Variants in PTPRD observed in about 807,000 individuals in gnomAD.
The protein encoded by PTPRD is protein tyrosine phosphatase receptor type D.
PTPRD carries 34 observed loss-of-function variants against 214.5 expected under a neutral mutation model. The ratio of observed to expected loss-of-function variants is 0.16; its 90% CI spans 0.12 to 0.21. PTPRD has a LOEUF of 0.21. Among genes scored for constraint, PTPRD ranks in the 10% least tolerant of loss-of-function variants. The pLI, the probability that PTPRD is intolerant of heterozygous loss-of-function variation, is 1.00. For missense variants in PTPRD, 2,545 were observed against 2,398.7 expected, an observed-to-expected ratio of 1.06 and a Z score of -1.27; for synonymous variants, 1,128 against 845.7, an observed-to-expected ratio of 1.33 and a Z score of -5.79.
intron 30 of PTPRD, among the ~76,000 whole-genome samples, chr9:8,473,399 C>A (rs2096697682): frequency 1.3e-5 from 2 of 152,132 alleles, no homozygotes; most frequent in Admixed American, 1.3e-4. Flanking sequence ...ATTTACCGAA[C>A]AAGTCCATCA....
At chr9:9,764,553 A>T (rs1446134366) in intron 6 of PTPRD, among the ~76,000 whole-genome samples, 4 of 152,184 alleles carry the variant, frequency 2.6e-5, no homozygotes, top group African/African-American at 4.8e-5. Flanking sequence ...GATGATTGAG[A>T]TTATTATTAA....
intron 11 of PTPRD, among the ~76,000 whole-genome samples, chr9:8,956,275 A>T (rs1404140120): frequency 1.3e-5 from 2 of 151,890 alleles, no homozygotes; most frequent in African/African-American, 4.8e-5. Context: ...CCTGATGTTT[A>T]TCCATATAAA....
In PTPRD at chr9:9,273,762, G is replaced by A. The variant is rs192945045; in HGVS notation, c.-202-90399C>T. On this transcript the variant is annotated intron_variant, in intron 9 of 45. Transcript: ENST00000381196. ...GAGCTGTCAGCTAATGATTTGCACAGGTGGAAGTAAGAGATTATAATGAGG... is the reference window on the plus strand; with the variant it reads ...GAGCTGTCAGCTAATGATTTGCACAAGTGGAAGTAAGAGATTATAATGAGG... 1.3e-3 allele frequency among the ~76,000 whole-genome samples: 191 copies of A among 151,344 alleles called. 3 individuals are homozygous for A. The highest frequency in any genetic ancestry group is 4.2e-3 in the African/African-American group (175 of 41,416).
intron 3 of PTPRD, among the ~76,000 whole-genome samples, chr9:10,073,464 T>C (rs1317132733): frequency 1.3e-5 from 2 of 152,144 alleles, no homozygotes; most frequent in Non-Finnish European, 2.9e-5. Flanking sequence ...AAAAACGGTA[T>C]TCTGGATGTG....
At chr9:9,375,411 C>T (rs1316905323) in intron 9 of PTPRD, among the ~76,000 whole-genome samples, 3 of 152,080 alleles carry the variant, frequency 2.0e-5, no homozygotes, top group Non-Finnish European at 4.4e-5. Flanking sequence ...GCCTGACCAA[C>T]ATGGTGAAAC....
intron 14 of PTPRD, among the ~76,000 whole-genome samples, chr9:8,611,502 C>T (rs556028410): frequency 1.4e-3 from 219 of 152,062 alleles, no homozygotes; most frequent in African/African-American, 5.1e-3. Context: ...CCCAGGAGTT[C>T]GAGACCAGCC....
chr9:8,656,635 G>A (rs75989090), intron 12 of PTPRD, among the ~76,000 whole-genome samples: 20 of 152,260 alleles, frequency 1.3e-4, no homozygotes, highest in African/African-American at 4.8e-4. Flanking sequence ...CACACACAGT[G>A]GTGTTAGAAA....
intron 11 of PTPRD, among the ~76,000 whole-genome samples, chr9:8,968,441 G>A (rs12338273): frequency 0.47 from 70,357 of 150,236 alleles, 16,885 homozygotes; most frequent in East Asian, 0.76. Context: ...TTTAATGATC[G>A]CCGTTCTAAC....
chr9:8,711,157 C>A (rs1011648939), intron 12 of PTPRD, among the ~76,000 whole-genome samples: 11 of 150,978 alleles, frequency 7.3e-5, no homozygotes, highest in Non-Finnish European at 1.0e-4. Context: ...CTGTAAGAAT[C>A]ACTACCAATA....
chr9:10,555,880 A>G (rs1186267522), intron 2 of PTPRD, among the ~76,000 whole-genome samples: 1 of 152,182 alleles, frequency 6.6e-6, no homozygotes, highest in African/African-American at 2.4e-5. Flanking sequence ...ATTAGTGAAT[A>G]AAATAAAAAG....
intron 6 of PTPRD, among the ~76,000 whole-genome samples, chr9:9,746,258 C>G (rs1236974417): frequency 6.6e-6 from 1 of 152,026 alleles, no homozygotes; most frequent in Non-Finnish European, 1.5e-5. Context: ...TCAGGTCAAA[C>G]TTTTTAGAAG....
chr9:8,787,727 G>A (rs1292231478), intron 11 of PTPRD, among the ~76,000 whole-genome samples: 1 of 151,998 alleles, frequency 6.6e-6, no homozygotes, highest in Non-Finnish European at 1.5e-5. Flanking sequence ...ACAGGAGAGA[G>A]GTCCCTATTA....
chr9:10,538,163 G>A (rs1167137259), intron 2 of PTPRD, among the ~76,000 whole-genome samples: 8 of 151,672 alleles, frequency 5.3e-5, no homozygotes, highest in African/African-American at 1.7e-4. Flanking sequence ...TCAAATAAAT[G>A]GGAGGATTTG....
intron 14 of PTPRD, among the ~76,000 whole-genome samples, chr9:8,631,965 C>T (rs897432023): frequency 6.6e-6 from 1 of 151,884 alleles, no homozygotes; most frequent in African/African-American, 2.4e-5. Flanking sequence ...TCTCACTTGT[C>T]TGTTTTAAAG....
chr9:10,011,785 T>G (rs2096605389), intron 4 of PTPRD, among the ~76,000 whole-genome samples: 1 of 152,000 alleles, frequency 6.6e-6, no homozygotes, highest in Non-Finnish European at 1.5e-5. Flanking sequence ...AACATTAATT[T>G]GAATTTAGAG....
intron 3 of PTPRD, among the ~76,000 whole-genome samples, chr9:10,236,625 G>A (rs1336024683): frequency 4.0e-5 from 6 of 151,540 alleles, no homozygotes; most frequent in Admixed American, 4.0e-4. Context: ...TTTCTATATG[G>A]TGGATCATTC....
chr9:9,593,707 G>A (rs2092999631), intron 7 of PTPRD, among the ~76,000 whole-genome samples: 1 of 151,854 alleles, frequency 6.6e-6, no homozygotes, highest in Non-Finnish European at 1.5e-5. Flanking sequence ...CCAAAGTAAA[G>A]GTCACTGAGG....
At chr9:8,659,893 T>C (rs1173728273) in intron 12 of PTPRD, among the ~76,000 whole-genome samples, 1 of 152,110 alleles carries the variant, frequency 6.6e-6, no homozygotes, top group African/African-American at 2.4e-5. Context: ...CATGGCAGTG[T>C]AAAGGAATTA....
At chr9:8,778,560 G>A (rs2095572961) in intron 11 of PTPRD, among the ~76,000 whole-genome samples, 1 of 152,106 alleles carries the variant, frequency 6.6e-6, no homozygotes, top group Non-Finnish European at 1.5e-5. Flanking sequence ...CTTGCGCTGG[G>A]TCCTGGGCCG....
Sources: gnomAD v4.1 joint callset for allele counts (sites outside exome capture counted in the v4.1 genomes callset) on GRCh38, gnomAD v4.1.1 for gene constraint, MANE v1.5 for transcripts, NCBI Gene and HGNC (gene_info 2026-07-23, HGNC 2026-07-21) for gene names.